ERN1: variants seen among roughly 807,000 people sequenced by gnomAD.
The protein encoded by ERN1 is endoplasmic reticulum to nucleus signaling 1.
Under a neutral mutation model 113.1 loss-of-function variants are expected in ERN1, and 39 were observed. The observed-to-expected ratio is 0.34, with a 90% confidence interval of 0.27 to 0.45. The LOEUF (loss-of-function observed/expected upper bound fraction) is 0.45, where lower values mean the gene tolerates loss of function less well. Ranked by LOEUF, ERN1 falls within the 20% of genes least tolerant of loss-of-function variation. ERN1 has a pLI of 1.00. For synonymous variants in ERN1, 507 were observed against 515.9 expected, an observed-to-expected ratio of 0.98 and a Z score of 0.23; for missense variants, 976 against 1,274.8, an observed-to-expected ratio of 0.77 and a Z score of 3.57.
At chr17:64,096,076 G>A (rs1685386993) in intron 2 of ERN1, among the ~76,000 whole-genome samples, 1 of 152,112 alleles carries the variant, frequency 6.6e-6, no homozygotes, top group South Asian at 2.1e-4. Context: ...TTTCATTTTG[G>A]GGTCCTACAG....
intron 8 of ERN1, among the ~76,000 whole-genome samples, chr17:64,065,579 C>T (rs546151066): frequency 3.9e-4 from 59 of 152,268 alleles, no homozygotes; most frequent in African/African-American, 1.1e-3. Context: ...GAAAGGACTA[C>T]GCCCAGTGGC....
At chr17:64,047,763 T>C (rs1912555691) in intron 19 of ERN1, 95 bp downstream of exon 19, 1 of 1,149,910 alleles carries the variant, frequency 8.7e-7, no homozygotes, top group Admixed American at 2.5e-5. Flanking sequence ...TTTAGGGTAA[T>C]GGGCAATTTA....
chr17:64,103,280 T>C (rs1914434950), intron 1 of ERN1, among the ~76,000 whole-genome samples: 1 of 152,058 alleles, frequency 6.6e-6, no homozygotes, highest in African/African-American at 2.4e-5. Flanking sequence ...GCGGATCACT[T>C]GAGGTCAGGA....
intron 19 of ERN1, among the ~76,000 whole-genome samples, chr17:64,047,440 C>T (rs1401606703): frequency 6.6e-6 from 1 of 152,004 alleles, no homozygotes; most frequent in Non-Finnish European, 1.5e-5. Context: ...TTCGAAATAA[C>T]CTGGGGTGGG....
intron 1 of ERN1, among the ~76,000 whole-genome samples, chr17:64,106,345 T>C (rs957161813): frequency 6.6e-6 from 1 of 152,244 alleles, no homozygotes; most frequent in South Asian, 2.1e-4. Context: ...TAAAAGTGCA[T>C]GTTGCTAAAT....
chr17:64,058,077 G>A, intron 11 of ERN1, 84 bp from the exon 12 acceptor site: 1 of 1,081,888 alleles, frequency 9.2e-7, no homozygotes, highest in Non-Finnish European at 1.3e-6. Context: ...AGCAATCACT[G>A]TTTACAAGGA....
intron 2 of ERN1, among the ~76,000 whole-genome samples, chr17:64,087,298 G>A (rs1245788226): frequency 3.3e-5 from 5 of 152,126 alleles, no homozygotes; most frequent in East Asian, 1.9e-4. Context: ...TCAAGTTCCC[G>A]TGATCAAAAC....
chr17:64,063,169 G>A lies in ERN1; in HGVS notation c.1087+817C>T, dbSNP rs9900484. Among the ~76,000 whole-genome samples, 2,908 of 152,318 alleles carry A rather than the reference G, an allele frequency of 0.019. 98 individuals carry two copies. Among genetic ancestry groups the A allele is most frequent in the African/African-American group, 0.066 (2,736 of 41,554 alleles). On this transcript the variant is annotated intron_variant, in intron 10 of 21. Transcript: ENST00000433197. The surrounding 1 kb of genome is among the most constrained non-coding windows in gnomAD (Gnocchi z 5.1). Reference sequence around the variant, plus strand: ...CCGGCCCCTGGGTGCTCCAGCACCCGACTGACCTCCTGCCCTGCTCTGCCC... The same window carrying A: ...CCGGCCCCTGGGTGCTCCAGCACCCAACTGACCTCCTGCCCTGCTCTGCCC...
rs113973658 is a variant in ERN1 at position 64,118,199 on chromosome 17, G to A, written c.54+11777C>T. The stretch of plus-strand genomic sequence containing the variant: ...CCCACCAAAGAGATTTTCTGGTTCC[G>A]TTGCTTTGTTTTACAGATGAGGAAG... On this transcript the variant is annotated intron_variant, in intron 1 of 21. Coordinates refer to ENST00000433197, the MANE Select transcript of ERN1 (RefSeq NM_001433.5). Among the ~76,000 whole-genome samples the A allele has an allele frequency of 9.5e-3, 1,449 of 152,224 alleles. 24 individuals are homozygous for A. Among genetic ancestry groups the A allele is most frequent in the African/African-American group, 0.033 (1,374 of 41,526 alleles).
At chr17:64,057,188 A>G (rs1295612810) in intron 12 of ERN1, among the ~76,000 whole-genome samples, 1 of 152,170 alleles carries the variant, frequency 6.6e-6, no homozygotes, top group Non-Finnish European at 1.5e-5. Flanking sequence ...GTCTTCATCT[A>G]TTATCCTTAT....
intron 11 of ERN1, among the ~76,000 whole-genome samples, chr17:64,059,873 T>A (rs1198291207): frequency 1.8e-4 from 15 of 82,616 alleles, no homozygotes; most frequent in African/African-American, 6.6e-4. Context: ...TTTTTTTTTT[T>A]AGCAATAGGG....
chr17:64,096,576 C>T (rs1914236086), intron 2 of ERN1, among the ~76,000 whole-genome samples: 5 of 152,178 alleles, frequency 3.3e-5, no homozygotes, highest in Admixed American at 2.0e-4. Context: ...TCCCCCGGTC[C>T]ATGGAAAAAC....
At chr17:64,115,332 C>T (rs1159675037) in intron 1 of ERN1, among the ~76,000 whole-genome samples, 3 of 152,198 alleles carry the variant, frequency 2.0e-5, no homozygotes. Flanking sequence ...AACCCTGCCC[C>T]TAAGCTGGAC....
In ERN1 at chr17:64,044,722, A is replaced by T; in HGVS notation, c.2721+138T>A. On this transcript the variant is annotated intron_variant, in intron 21 of 21. Transcript: ENST00000433197. The surrounding 1 kb of genome is among the most constrained non-coding windows in gnomAD (Gnocchi z 4.1). Reference sequence around the variant, plus strand: ...AGAGGCAACAGCCTGCAGTTTGCCAAGTCCAGCTGAAGCCGCCTAGCTCCT... The same window carrying T: ...AGAGGCAACAGCCTGCAGTTTGCCATGTCCAGCTGAAGCCGCCTAGCTCCT... 1 of 641,468 alleles carries T rather than the reference A, an allele frequency of 1.6e-6. No homozygotes were observed. Among genetic ancestry groups the T allele is most frequent in the East Asian group, 2.8e-5 (1 of 35,442 alleles). The allele number at this position is 641,468 out of a possible 1,614,324, so 39.7% of individuals were successfully genotyped here.
intron 2 of ERN1, among the ~76,000 whole-genome samples, chr17:64,094,220 G>T (rs1339237644): frequency 2.0e-5 from 3 of 152,154 alleles, no homozygotes; most frequent in Non-Finnish European, 4.4e-5. Flanking sequence ...ACACTACCAA[G>T]AACAGTTCAC....
In ERN1 at chr17:64,071,974, T is replaced by C. The variant is rs1235479756; in HGVS notation, c.478+7A>G. 2 of 1,556,664 alleles carry C rather than the reference T, an allele frequency of 1.3e-6. No individual in the cohort carries two copies. Among genetic ancestry groups the C allele is most frequent in the East Asian group, 4.8e-5 (2 of 41,636 alleles). On this transcript the variant is annotated splice_region_variant and intron_variant, in intron 6 of 21. Coordinates refer to ENST00000433197, the MANE Select transcript of ERN1 (RefSeq NM_001433.5). ...CAGGTTGTAGAAGACAAAGGTTCAT[T>C]TCTTACCTGTTCGCCCAAGATACAG... is the stretch of plus-strand genomic sequence containing the variant.
Position 64,048,868 on chromosome 17 carries a change from C to T in ERN1, c.2401+187G>A, listed in dbSNP as rs114813468. ...GGAGCATCTCAGCTTTAGAAGGTGGCGCCCCAGAGATAACCCTACCAACCC... is the reference window on the plus strand; with the variant it reads ...GGAGCATCTCAGCTTTAGAAGGTGGTGCCCCAGAGATAACCCTACCAACCC... On this transcript the variant is annotated intron_variant, in intron 18 of 21. Coordinates refer to ENST00000433197, the MANE Select transcript of ERN1 (RefSeq NM_001433.5). 6.4e-3 allele frequency among the ~76,000 whole-genome samples: 980 copies of T among 152,284 alleles called. 8 individuals carry two copies. The highest frequency in any genetic ancestry group is 0.023 in the African/African-American group (940 of 41,556).
chr17:64,053,085 T>A, intron 16 of ERN1, 106 bp from the exon 17 acceptor site: 1 of 997,642 alleles, frequency 1.0e-6, no homozygotes, highest in African/African-American at 1.6e-5. Flanking sequence ...TGCCGCCACC[T>A]CCAAATGTTC....
chr17:64,106,602 T>G (rs1340693489), intron 1 of ERN1, among the ~76,000 whole-genome samples: 1 of 152,192 alleles, frequency 6.6e-6, no homozygotes, highest in African/African-American at 2.4e-5. Flanking sequence ...GACTGGATTA[T>G]TCTGCTGGCT....
Sources: gnomAD v4.1 joint callset for allele counts (sites outside exome capture counted in the v4.1 genomes callset) on GRCh38, gnomAD v4.1.1 for gene constraint, Gnocchi (gnomAD v3.1) non-coding constraint, MANE v1.5 for transcripts, NCBI Gene and HGNC (gene_info 2026-07-23, HGNC 2026-07-21) for gene names.